NSD1: variants seen among roughly 807,000 people sequenced by gnomAD.
The protein encoded by NSD1 is nuclear receptor binding SET domain protein 1.
A neutral mutation model predicts 242.7 loss-of-function variants in NSD1; 26 were observed. The ratio of observed to expected loss-of-function variants is 0.11; its 90% CI spans 0.08 to 0.15. The LOEUF (loss-of-function observed/expected upper bound fraction) is 0.15. Among genes scored for constraint, NSD1 ranks in the 10% least tolerant of loss-of-function variants. NSD1 has a pLI of 1.00. For missense variants in NSD1, 2,495 were observed against 3,272.8 expected, an observed-to-expected ratio of 0.76 and a Z score of 5.80; for synonymous variants, 1,106 against 1,178.1, an observed-to-expected ratio of 0.94 and a Z score of 1.25.
At position 177,205,908 on chromosome 5, in the gene NSD1, T is replaced by A. The variant is rs139821156; in HGVS notation, c.1236+1616T>A. Among the ~76,000 whole-genome samples the A allele has an allele frequency of 4.2e-3, 647 of 152,248 alleles. 3 individuals carry two copies. The highest frequency in any genetic ancestry group is 0.014 in the African/African-American group (592 of 41,540). On this transcript the variant is annotated intron_variant, in intron 4 of 22. Transcript: ENST00000439151. ...GCACAGTCATCTTTTACTGCAGCTATGACCTCCCAGGCTCGAGCCATTCTC... is the reference window on the plus strand; with the variant it reads ...GCACAGTCATCTTTTACTGCAGCTAAGACCTCCCAGGCTCGAGCCATTCTC...
intron 12 of NSD1, among the ~76,000 whole-genome samples, chr5:177,256,275 C>CTTTTT (rs147226070): frequency 1.3e-5 from 1 of 76,854 alleles, no homozygotes; most frequent in Non-Finnish European, 2.4e-5. Context: ...TGCCCCCACA[C>CTTTTT]TTTTTTTTTT....
intron 12 of NSD1, among the ~76,000 whole-genome samples, chr5:177,255,700 A>G (rs184083881): frequency 2.8e-4 from 43 of 152,172 alleles, no homozygotes; most frequent in African/African-American, 9.4e-4. Context: ...CTCGTGCCTC[A>G]GCCTCTGTAT....
In NSD1 at chr5:177,295,101, AGC is replaced by A; in HGVS notation, c.7734_7735del (p.Gln2579GlyfsTer22). ...CTTAGCCAATCCCCGGGCCTGGTGAAGCAGGCGAAGCAGATGGTCGGAGGCCA... is the reference window on the plus strand; with the variant it reads ...CTTAGCCAATCCCCGGGCCTGGTGAAAGGCGAAGCAGATGGTCGGAGGCCA... On this transcript the variant is annotated frameshift_variant, in exon 23 of 23. Transcript: ENST00000439151. LOFTEE classifies it high-confidence loss of function. The surrounding 1 kb of genome is among the most constrained non-coding windows in gnomAD (Gnocchi z 4.3). 6.2e-7 allele frequency: 1 copy of A among 1,611,758 alleles called. No individual in the cohort carries two copies. The highest frequency in any genetic ancestry group is 8.5e-7 in the Non-Finnish European group (1 of 1,178,424).
intron 2 of NSD1, among the ~76,000 whole-genome samples, chr5:177,159,001 T>TATATATATATATATATGAATG (rs1554173261): frequency 0.02 from 447 of 22,082 alleles, 10 homozygotes; most frequent in African/African-American, 0.052. Flanking sequence ...AATGATTTTA[T>TATATATATATATATATGAATG]ATATATATAT....
intron 2 of NSD1, among the ~76,000 whole-genome samples, chr5:177,163,213 G>T (rs1476559443): frequency 1.3e-5 from 2 of 150,884 alleles, no homozygotes; most frequent in South Asian, 4.2e-4. Flanking sequence ...CACGATCTCG[G>T]CTCACTGCAA....
In NSD1 at chr5:177,261,792, T is replaced by C. The variant is rs761671302; in HGVS notation, c.5146+1624T>C. Reference sequence around the variant, plus strand: ...TGGCACCAGTTCTTCAGTTTTCTCATTTATTTTCAGATTTTATTTTGTTGA... The same window carrying C: ...TGGCACCAGTTCTTCAGTTTTCTCACTTATTTTCAGATTTTATTTTGTTGA... On this transcript the variant is annotated intron_variant, in intron 14 of 22. Coordinates refer to ENST00000439151, the MANE Select transcript of NSD1 (RefSeq NM_022455.5). Among the ~76,000 whole-genome samples, 125 of 152,354 alleles carry C rather than the reference T, an allele frequency of 8.2e-4. No individual in the cohort carries two copies. The Middle Eastern group carries it at 0.02, about 25-fold the overall frequency.
chr5:177,191,799 C>G (rs554174928), intron 2 of NSD1, 85 bp from the exon 3 acceptor site: 1 of 1,443,464 alleles, frequency 6.9e-7, no homozygotes, highest in African/African-American at 1.4e-5. Context: ...TCATACATTG[C>G]TTTTTCAGAA....
intron 2 of NSD1, chr5:177,137,161 C>A: frequency 2.7e-6 from 1 of 372,596 alleles, no homozygotes. Flanking sequence ...CTTCTCTTAG[C>A]CTCAATTTTA....
At chr5:177,252,766 G>C (rs893352511) in intron 12 of NSD1, among the ~76,000 whole-genome samples, 1 of 149,608 alleles carries the variant, frequency 6.7e-6, no homozygotes, top group African/African-American at 2.5e-5. Flanking sequence ...TGTTGCCCAG[G>C]CTGGAAAGTG....
At chr5:177,234,861 CTGA>C (rs1562241203) in intron 5 of NSD1, among the ~76,000 whole-genome samples, 1 of 152,182 alleles carries the variant, frequency 6.6e-6, no homozygotes. Context: ...CTAATTGCTT[CTGA>C]TGATGTTTCT....
Position 177,299,627 on chromosome 5 carries a change from C to G in NSD1, c.*4168C>G. ...TGGAAAGAATTAAACTAGAAATCCA[C>G]AACCTCGGAAGAAGTGTTTCGAGTT... On this transcript the variant is annotated 3_prime_UTR_variant, in exon 23 of 23. Transcript: ENST00000439151. 1 of 233,308 alleles carries G rather than the reference C, an allele frequency of 4.3e-6. No homozygotes were observed. Among genetic ancestry groups the G allele is most frequent in the African/African-American group, 2.2e-5 (1 of 45,466 alleles). 14.5% of individuals were successfully genotyped at this position (233,308 alleles called of 1,614,324 possible).
rs1763320546 is a variant in NSD1 at position 177,211,332 on chromosome 5, C to G, written c.2933C>G (p.Pro978Arg). 1.2e-6 allele frequency: 2 copies of G among 1,614,158 alleles called. No homozygotes were observed. Among genetic ancestry groups the G allele is most frequent in the Non-Finnish European group, 1.7e-6 (2 of 1,180,034 alleles). The change falls in exon 5 of 23, where the codon CCT becomes CGT. Residue 978 changes from proline to arginine, a missense_variant. By Grantham distance (103) the Pro-to-Arg change is moderately radical. This residue lies in a region of NSD1 where 426 missense variants were observed against 411.4 expected (regional missense o/e 1.04). Transcript: ENST00000439151. The part of the protein sequence containing the change: ...KGDGTQNSAN[P>R]SPSGGDSALS... ...GATGGCACTCAGAACTCCGCCAATC[C>G]TAGCCCTAGTGGGGGTGACTCTGCA... is the stretch of plus-strand genomic sequence containing the variant.
intron 14 of NSD1, among the ~76,000 whole-genome samples, chr5:177,263,378 T>C (rs1757143439): frequency 6.6e-6 from 1 of 152,188 alleles, no homozygotes; most frequent in African/African-American, 2.4e-5. Context: ...TTTTACTTAG[T>C]TGAAATCTGA....
intron 2 of NSD1, among the ~76,000 whole-genome samples, chr5:177,171,612 T>C (rs766476396): frequency 2.0e-5 from 3 of 152,234 alleles, no homozygotes; most frequent in Admixed American, 1.3e-4. Flanking sequence ...TCTGTACTTA[T>C]TGAATGATTC....
chr5:177,136,327 A>AT (rs1377681601), intron 2 of NSD1: 6 of 240,594 alleles, frequency 2.5e-5, no homozygotes, highest in East Asian at 2.3e-4. Context: ...TACATATATG[A>AT]TTAAAAAAAA....
At chr5:177,280,440 G>A (rs925617421) in intron 17 of NSD1, 125 bp from the exon 18 acceptor site, 1 of 1,030,770 alleles carries the variant, frequency 9.7e-7, no homozygotes, top group Non-Finnish European at 1.5e-6. Context: ...GAAACTAAGT[G>A]TTGATAGTTC....
At chr5:177,279,089 A>G (rs964366615) in intron 17 of NSD1, among the ~76,000 whole-genome samples, 1 of 152,186 alleles carries the variant, frequency 6.6e-6, no homozygotes, top group African/African-American at 2.4e-5. Context: ...GTGTGGTGAT[A>G]CCTGCCTGTA....
At chr5:177,245,949 C>T (rs1381223618) in intron 9 of NSD1, among the ~76,000 whole-genome samples, 1 of 142,584 alleles carries the variant, frequency 7.0e-6, no homozygotes, top group African/African-American at 2.6e-5. Context: ...AACCCTCCAT[C>T]TTAATCCTTT....
intron 2 of NSD1, among the ~76,000 whole-genome samples, chr5:177,139,339 G>A (rs867974380): frequency 1.1e-4 from 17 of 151,518 alleles, no homozygotes; most frequent in Non-Finnish European, 1.3e-4. Flanking sequence ...TGGCAGGCTC[G>A]GGAGGTTGAG....
Sources: allele counts gnomAD v4.1 joint callset (sites outside exome capture counted in the v4.1 genomes callset), GRCh38; gene constraint gnomAD v4.1.1; regional missense constraint gnomAD v4.1.1; non-coding constraint Gnocchi (gnomAD v3.1); transcripts MANE v1.5; gene names NCBI Gene and HGNC (gene_info 2026-07-23, HGNC 2026-07-21).